Variants in TSPAN8 observed in about 807,000 individuals in gnomAD.
TSPAN8 encodes tetraspanin 8.
A neutral mutation model predicts 32.8 loss-of-function variants in TSPAN8; 21 were observed. The observed-to-expected ratio is 0.64, with a 90% CI of 0.45 to 0.92. TSPAN8 has a LOEUF of 0.92. Among genes scored for constraint, TSPAN8 ranks in the 40% least tolerant of loss-of-function variants. The pLI, the probability that TSPAN8 is intolerant of heterozygous loss-of-function variation, is 0.00. For missense variants in TSPAN8, 269 were observed against 281.9 expected, an observed-to-expected ratio of 0.95 and a Z score of 0.33; for synonymous variants, 95 against 94.6, an observed-to-expected ratio of 1.00 and a Z score of -0.03.
At chr12:71,147,674 T>G (rs1872119643) in intron 2 of TSPAN8, among the ~76,000 whole-genome samples, 1 of 152,188 alleles carries the variant, frequency 6.6e-6, no homozygotes, top group African/African-American at 2.4e-5. Context: ...TTAAAAGTCT[T>G]AGTTCAATTG....
At chr12:71,144,103 T>A (rs1246991884) in intron 3 of TSPAN8, 48 bp downstream of exon 3, 8 of 1,519,178 alleles carry the variant, frequency 5.3e-6, no homozygotes, top group Non-Finnish European at 7.2e-6. Flanking sequence ...TTATTATAAA[T>A]GAAATAAACT....
At chr12:71,144,695 T>C (rs922843727) in intron 2 of TSPAN8, among the ~76,000 whole-genome samples, 4 of 152,084 alleles carry the variant, frequency 2.6e-5, no homozygotes, top group African/African-American at 9.7e-5. Flanking sequence ...GGGGAAAAAG[T>C]AAAACATACG....
At chr12:71,125,594 T>A (rs1158451919) in intron 8 of TSPAN8, among the ~76,000 whole-genome samples, 1 of 152,166 alleles carries the variant, frequency 6.6e-6, no homozygotes, top group Non-Finnish European at 1.5e-5. Context: ...TGTGTTTTAA[T>A]CAGCTTTTTT....
intron 6 of TSPAN8, among the ~76,000 whole-genome samples, chr12:71,137,184 G>A (rs1871726497): frequency 6.6e-6 from 1 of 152,150 alleles, no homozygotes. Flanking sequence ...GGAACCTGAG[G>A]TGGGAAGATC....
At chr12:71,134,169 C>A (rs559476925) in intron 6 of TSPAN8, among the ~76,000 whole-genome samples, 12 of 152,162 alleles carry the variant, frequency 7.9e-5, no homozygotes, top group East Asian at 1.9e-4. Flanking sequence ...TAAAGATAAA[C>A]ATAAGAAAAT....
rs374858071 is a variant in TSPAN8 at position 71,138,069 on chromosome 12, T to C, written c.337-9A>G. ...TTCACAATGCGATCAGACTGAAAAT[T>C]GAAAAGTATTTTACATTATTCACGC... On this transcript the variant is annotated splice_polypyrimidine_tract_variant and intron_variant, in intron 5 of 8. Coordinates refer to ENST00000247829, the MANE Select transcript of TSPAN8 (RefSeq NM_004616.3). 8.7e-6 allele frequency: 14 copies of C among 1,612,008 alleles called. No homozygotes were observed. The highest frequency in any genetic ancestry group is 1.2e-5 in the Non-Finnish European group (14 of 1,179,488).
chr12:71,126,510 A>T (rs1385582702), intron 8 of TSPAN8, among the ~76,000 whole-genome samples: 1 of 152,170 alleles, frequency 6.6e-6, no homozygotes, highest in African/African-American at 2.4e-5. Flanking sequence ...CAGACTAGAT[A>T]GTTAATATCA....
rs954510798 is a variant in TSPAN8, at chr12:71,157,755, G to A, written c.-77C>T. 1 of 1,121,474 alleles carries A rather than the reference G, an allele frequency of 8.9e-7. No individual in the cohort carries two copies. The highest frequency in any genetic ancestry group is 2.4e-5 in the East Asian group (1 of 42,540). The allele number at this position is 1,121,474 out of a possible 1,614,324, so 69.5% of individuals were successfully genotyped here. On this transcript the variant is annotated 5_prime_UTR_variant, in exon 2 of 9. Transcript: ENST00000247829. Reference sequence around the variant, plus strand: ...GGCTTGTCCTGCAATATGCTCTGGAGCAACTTGCCTGCAGAGATTTCTGTA... The same window carrying A: ...GGCTTGTCCTGCAATATGCTCTGGAACAACTTGCCTGCAGAGATTTCTGTA...
At position 71,133,531 on chromosome 12, in the gene TSPAN8, G is replaced by T. The variant is rs146907371; in HGVS notation, c.445-707C>A. Among the ~76,000 whole-genome samples the T allele has an allele frequency of 3.2e-3, 493 of 152,294 alleles. 1 individual carries two copies. Among genetic ancestry groups the T allele is most frequent in the Non-Finnish European group, 5.4e-3 (370 of 68,030 alleles). On this transcript the variant is annotated intron_variant, in intron 6 of 8. Transcript: ENST00000247829. The stretch of plus-strand genomic sequence containing the variant: ...TTTAAAAGTGAAATTTCCACTCCAT[G>T]ATCTCTGATCACTTTTGAAAGACAG...
At chr12:71,154,345 A>C (rs1031354276) in intron 2 of TSPAN8, among the ~76,000 whole-genome samples, 3 of 148,486 alleles carry the variant, frequency 2.0e-5, no homozygotes, top group African/African-American at 7.4e-5. Context: ...TAATAATAAT[A>C]ATAATAATAA....
Position 71,139,703 on chromosome 12 carries a change from G to T in TSPAN8, c.261+8C>A, listed in dbSNP as rs1326531420. On this transcript the variant is annotated splice_region_variant and intron_variant, in intron 4 of 8. Coordinates refer to ENST00000247829, the MANE Select transcript of TSPAN8 (RefSeq NM_004616.3). ...GGTTGGACACTGGGATTTGTTTGGA[G>T]AACTCACCAACAGAAGCATGCAGCG... 8 of 1,612,694 alleles carry T rather than the reference G, an allele frequency of 5.0e-6. No individual in the cohort carries two copies. Among genetic ancestry groups the T allele is most frequent in the African/African-American group, 1.3e-5 (1 of 74,874 alleles).
chr12:71,143,853 G>A (rs1394674124), intron 3 of TSPAN8, among the ~76,000 whole-genome samples: 1 of 151,952 alleles, frequency 6.6e-6, no homozygotes, highest in African/African-American at 2.4e-5. Flanking sequence ...AATAGTAAAG[G>A]AGGAAAATTT....
intron 2 of TSPAN8, among the ~76,000 whole-genome samples, chr12:71,147,231 C>T (rs556069561): frequency 1.3e-5 from 2 of 152,110 alleles, no homozygotes; most frequent in Non-Finnish European, 2.9e-5. Flanking sequence ...GGGAAGATAC[C>T]ATCCAGAAGA....
In TSPAN8 at chr12:71,157,647, G is replaced by A. The variant is rs1872487410; in HGVS notation, c.32C>T (p.Ser11Phe). ...GAACAAGAAGTTGAAGGTAAACATA[G>A]AATATTTTATACAGGCACTCACACC... The part of the protein sequence containing the change: MAGVSACIKY[S>F]MFTFNFLFWL... The change falls in exon 2 of 9, where the codon TCT (serine) becomes TTT (phenylalanine). Residue 11 changes from serine to phenylalanine, a missense_variant. Transcript: ENST00000247829. 1.2e-6 allele frequency: 2 copies of A among 1,613,372 alleles called. No homozygotes were observed. Among genetic ancestry groups the A allele is most frequent in the Non-Finnish European group, 8.5e-7 (1 of 1,179,540 alleles).
chr12:71,154,311 AAATAATAAT>A (rs58976021), intron 2 of TSPAN8, among the ~76,000 whole-genome samples: 9,592 of 137,156 alleles, frequency 0.07, 671 homozygotes, highest in East Asian at 0.3. Flanking sequence ...CTCTGTCTCA[AAATAATAAT>A]AATAATAATA....
chr12:71,154,134 C>G (rs1371825556), intron 2 of TSPAN8, among the ~76,000 whole-genome samples: 1 of 151,896 alleles, frequency 6.6e-6, no homozygotes, highest in Non-Finnish European at 1.5e-5. Context: ...CATGGCAAAA[C>G]CCTGTCTCCA....
chr12:71,134,585 G>A (rs1200094230), intron 6 of TSPAN8, among the ~76,000 whole-genome samples: 3 of 152,164 alleles, frequency 2.0e-5, no homozygotes, highest in African/African-American at 7.2e-5. Flanking sequence ...CTAGCAAGGA[G>A]GGTGCTCTTG....
At chr12:71,130,336 C>T (rs1329978852) in intron 7 of TSPAN8, among the ~76,000 whole-genome samples, 3 of 152,176 alleles carry the variant, frequency 2.0e-5, no homozygotes, top group African/African-American at 7.2e-5. Context: ...ATGTCTACCA[C>T]TATGCCATTA....
intron 6 of TSPAN8, among the ~76,000 whole-genome samples, chr12:71,134,151 A>G (rs1278625082): frequency 6.6e-6 from 1 of 152,218 alleles, no homozygotes; most frequent in Non-Finnish European, 1.5e-5. Context: ...TAATTTGCAG[A>G]TTTATCATAA....
Sources: allele counts gnomAD v4.1 joint callset (sites outside exome capture counted in the v4.1 genomes callset), GRCh38; gene constraint gnomAD v4.1.1; transcripts MANE v1.5; gene names NCBI Gene and HGNC (gene_info 2026-07-23, HGNC 2026-07-21).